Variants in KLHL8 observed in about 807,000 individuals in gnomAD.
KLHL8 encodes kelch like family member 8.
In KLHL8, 38 loss-of-function variants were observed where a neutral mutation model predicts 63.5. The observed-to-expected ratio is 0.60, with a 90% CI of 0.46 to 0.78. KLHL8 has a LOEUF of 0.78. Among genes scored for constraint, KLHL8 ranks in the 30% least tolerant of loss-of-function variants. The probability of loss-of-function intolerance (pLI) is 0.00; values close to 1 mark genes in which losing one functional copy is unlikely to be tolerated. For missense variants in KLHL8, 566 were observed against 752.4 expected (o/e 0.75, Z 2.90); for synonymous variants, 224 against 254.3 (o/e 0.88, Z 1.13).
rs1039500864 is a variant in KLHL8 at position 87,161,983 on chromosome 4, C to G, written c.*1536G>C. ...GCACTGGCTTTTTTTTGTGATGTGG[C>G]TTTTTTTGTGATGTGGCTTTCCACA... On this transcript the variant is annotated 3_prime_UTR_variant, in exon 10 of 10. Transcript: ENST00000273963. 1 of 151,516 alleles carries G rather than the reference C, an allele frequency of 6.6e-6. No homozygotes were observed. Among genetic ancestry groups the G allele is most frequent in the Non-Finnish European group, 1.5e-5 (1 of 67,928 alleles). The allele number at this position is 151,516 out of a possible 1,614,324, so 9.4% of individuals were successfully genotyped here.
At chr4:87,176,121 C>T (rs1161232288) in intron 6 of KLHL8, among the ~76,000 whole-genome samples, 1 of 152,224 alleles carries the variant, frequency 6.6e-6, no homozygotes, top group Non-Finnish European at 1.5e-5. Context: ...ATGCTAATTT[C>T]AGTAACTGCT....
chr4:87,236,760 G>A (rs574146703), intron 1 of KLHL8, among the ~76,000 whole-genome samples: 1 of 149,790 alleles, frequency 6.7e-6, no homozygotes, highest in South Asian at 2.1e-4. Flanking sequence ...TACCTCCCGG[G>A]TTCAAGCGTT....
At chr4:87,213,767 A>T (rs1309200144) in intron 1 of KLHL8, among the ~76,000 whole-genome samples, 1 of 152,214 alleles carries the variant, frequency 6.6e-6, no homozygotes, top group East Asian at 1.9e-4. Flanking sequence ...TCAAAATTAC[A>T]GTAGCACATT....
At chr4:87,207,911 ACACTGAGCACCAGG>A in intron 1 of KLHL8, 1 of 1,344,310 alleles carries the variant, frequency 7.4e-7, no homozygotes, top group Non-Finnish European at 1.1e-6. Flanking sequence ...ATCCTGGGCT[ACACTGAGCACCAGG>A]CTGTCTCCTC....
At chr4:87,192,064 C>T (rs1560703976) in intron 2 of KLHL8, among the ~76,000 whole-genome samples, 1 of 152,190 alleles carries the variant, frequency 6.6e-6, no homozygotes, top group Non-Finnish European at 1.5e-5. Context: ...AATAGCACTG[C>T]AATGAACATG....
At chr4:87,170,285 T>C in intron 7 of KLHL8, 47 bp from the exon 8 acceptor site, 1 of 1,557,586 alleles carries the variant, frequency 6.4e-7, no homozygotes, top group Non-Finnish European at 8.7e-7. Flanking sequence ...CGAATTTATT[T>C]ATATATTGTT....
chr4:87,182,223 C>T (rs1054539442), intron 4 of KLHL8, among the ~76,000 whole-genome samples: 24 of 112,726 alleles, frequency 2.1e-4, no homozygotes, highest in Admixed American at 4.1e-4. Flanking sequence ...ACAGAGACTC[C>T]GTCTCAAAAA....
chr4:87,236,663 C>CTTT (rs34454982), intron 1 of KLHL8, among the ~76,000 whole-genome samples: 4,345 of 110,388 alleles, frequency 0.039, 456 homozygotes, highest in African/African-American at 0.15. Flanking sequence ...TGTACTGTGT[C>CTTT]TTTTTTTTTT....
chr4:87,212,972 C>T (rs1370024696), intron 1 of KLHL8, among the ~76,000 whole-genome samples: 1 of 152,206 alleles, frequency 6.6e-6, no homozygotes, highest in African/African-American at 2.4e-5. Flanking sequence ...CCTTAAATGA[C>T]ACACGCAATA....
At chr4:87,164,925 G>A (rs925135710) in intron 8 of KLHL8, among the ~76,000 whole-genome samples, 10 of 152,052 alleles carry the variant, frequency 6.6e-5, no homozygotes, top group Admixed American at 3.9e-4. Flanking sequence ...AAGGGGGGCC[G>A]ATCACGAGGT....
At chr4:87,220,854 G>A (rs548627707), upstream of KLHL8, 1 of 152,340 alleles carries the variant, frequency 6.6e-6, no homozygotes, top group Admixed American at 6.5e-5. Flanking sequence ...GCTTATCCAT[G>A]CTTCACTTCT....
At chr4:87,228,899 C>A (rs1275373398) in intron 1 of KLHL8, among the ~76,000 whole-genome samples, 1 of 152,230 alleles carries the variant, frequency 6.6e-6, no homozygotes, top group Non-Finnish European at 1.5e-5. Flanking sequence ...AATCTACCAC[C>A]CATGTACCCA....
rs1332460646 is a variant in KLHL8, at chr4:87,183,059, A to G, written c.952+144T>C. ...AACTAAATAATGTACAGTAAAAATT[A>G]TAAATATATAAAACCGTATTTGCCA... is the stretch of plus-strand genomic sequence containing the variant. On this transcript the variant is annotated intron_variant, in intron 4 of 9. Transcript: ENST00000273963. 1.5e-5 allele frequency: 8 copies of G among 523,882 alleles called. No individual in the cohort carries two copies. In the Admixed American group the frequency reaches 2.6e-4, roughly 17 times the overall value. The allele number at this position is 523,882 out of a possible 1,614,324, so 32.5% of individuals were successfully genotyped here. A position where few individuals can be genotyped will look rare whatever the true frequency, so the allele number is the denominator to read the frequency against.
Position 87,220,580 on chromosome 4 carries a change from G to A in KLHL8, c.-314C>T, listed in dbSNP as rs988852384. Reference sequence around the variant, plus strand: ...CCCCGCGGAGCCCCGGCGGGCGCTTGGCGTCCTCTCGCCTCAGCCCCCGCG... The same window carrying A: ...CCCCGCGGAGCCCCGGCGGGCGCTTAGCGTCCTCTCGCCTCAGCCCCCGCG... On this transcript the variant is annotated 5_prime_UTR_variant, in exon 1 of 10. Coordinates refer to ENST00000273963, the MANE Select transcript of KLHL8 (RefSeq NM_020803.5). 2 of 152,200 alleles carry A rather than the reference G, an allele frequency of 1.3e-5. No homozygotes were observed. The highest frequency in any genetic ancestry group is 3.9e-4 in the East Asian group (2 of 5,170). 9.4% of individuals were successfully genotyped at this position (152,200 alleles called of 1,614,324 possible). A position where few individuals can be genotyped will look rare whatever the true frequency, so the allele number is the denominator to read the frequency against.
rs754924185 is a variant in KLHL8, at chr4:87,195,606, G to A, written c.-67C>T. On this transcript the variant is annotated 5_prime_UTR_variant, in exon 2 of 10. Coordinates refer to ENST00000273963, the MANE Select transcript of KLHL8 (RefSeq NM_020803.5). Reference sequence around the variant, plus strand: ...GCCATTTATTTTTTTTCAAAGGGTAGAGAGAAGGCAGAAGGTAGATGTAGA... The same window carrying A: ...GCCATTTATTTTTTTTCAAAGGGTAAAGAGAAGGCAGAAGGTAGATGTAGA... 7.4e-7 allele frequency: 1 copy of A among 1,342,728 alleles called. No homozygotes were observed. The highest frequency in any genetic ancestry group is 1.5e-5 in the African/African-American group (1 of 68,796). 83.2% of individuals were successfully genotyped at this position (1,342,728 alleles called of 1,614,324 possible).
chr4:87,170,891 T>C (rs1457220832), intron 6 of KLHL8, among the ~76,000 whole-genome samples: 1 of 151,922 alleles, frequency 6.6e-6, no homozygotes, highest in Non-Finnish European at 1.5e-5. Context: ...CCCAACAAAA[T>C]AGTATAAAAG....
chr4:87,237,658 C>G (rs1050769343), intron 1 of KLHL8, among the ~76,000 whole-genome samples: 11 of 152,106 alleles, frequency 7.2e-5, no homozygotes, highest in African/African-American at 2.7e-4. Context: ...GAAACTCTGT[C>G]TCTACTAAAA....
intron 1 of KLHL8, among the ~76,000 whole-genome samples, chr4:87,230,305 C>T (rs1331018790): frequency 1.3e-5 from 2 of 152,204 alleles, no homozygotes; most frequent in East Asian, 3.9e-4. Context: ...TCAAGTGACA[C>T]TTCCACCCCC....
chr4:87,237,977 C>T (rs1259863418), intron 1 of KLHL8, among the ~76,000 whole-genome samples: 1 of 151,924 alleles, frequency 6.6e-6, no homozygotes, highest in East Asian at 1.9e-4. Context: ...GCTGTGTCGC[C>T]CAGGCTGGAG....
Sources: allele counts gnomAD v4.1 joint callset (sites outside exome capture counted in the v4.1 genomes callset), GRCh38; gene constraint gnomAD v4.1.1; transcripts MANE v1.5; gene names NCBI Gene and HGNC (gene_info 2026-07-23, HGNC 2026-07-21).